The following PRKG1 variants were observed in gnomAD, a reference collection of about 807,000 sequenced individuals.
PRKG1 encodes cGMP-dependent protein kinase 1.
Under a neutral mutation model 88.1 loss-of-function variants are expected in PRKG1, and 35 were observed. The observed-to-expected ratio is 0.40, with a 90% confidence interval of 0.30 to 0.53. PRKG1 has a LOEUF of 0.53. PRKG1 is among the 20% of genes least tolerant of loss of function. PRKG1 has a pLI of 0.59. For missense variants in PRKG1, 540 were observed against 839.8 expected (o/e 0.64, Z 4.41); for synonymous variants, 303 against 292.5 (o/e 1.04, Z -0.37).
chr10:51,697,077 G>A (rs1841313934), intron 3 of PRKG1: 1 of 152,108 alleles, frequency 6.6e-6, no homozygotes. Flanking sequence ...AGTAAATCAG[G>A]TGCACTCCTT....
chr10:51,882,627 T>C (rs536207340), intron 4 of PRKG1, among the ~76,000 whole-genome samples: 1 of 152,188 alleles, frequency 6.6e-6, no homozygotes, highest in African/African-American at 2.4e-5. Context: ...CGCCCCTCTA[T>C]CCCTAGGATG....
In PRKG1 at chr10:51,629,486, G is replaced by T. The variant is rs181180419; in HGVS notation, c.592+161650G>T. On this transcript the variant is annotated intron_variant, in intron 3 of 17. Coordinates refer to ENST00000373980, the MANE Select transcript of PRKG1 (RefSeq NM_006258.4). ...GTGATGGGAGACAGCGACACCCAAA[G>T]TGTGTTGCTTATGTCCAGTCTACAC... Among the ~76,000 whole-genome samples, 13 of 151,712 alleles carry T rather than the reference G, an allele frequency of 8.6e-5. No individual in the cohort carries two copies. The East Asian group carries it at 2.5e-3, about 29-fold the overall frequency.
At chr10:51,330,813 G>T (rs1400262161) in intron 2 of PRKG1, among the ~76,000 whole-genome samples, 1 of 152,124 alleles carries the variant, frequency 6.6e-6, no homozygotes, top group Non-Finnish European at 1.5e-5. Flanking sequence ...AAGCAATTAT[G>T]TTTGTTTAGT....
chr10:51,806,200 C>T (rs928729053), intron 4 of PRKG1, among the ~76,000 whole-genome samples: 2 of 152,146 alleles, frequency 1.3e-5, no homozygotes, highest in African/African-American at 2.4e-5. Flanking sequence ...AAATGGTAAC[C>T]TATGGAATGC....
intron 2 of PRKG1, among the ~76,000 whole-genome samples, chr10:51,466,029 A>C (rs934786162): frequency 7.9e-5 from 12 of 152,164 alleles, no homozygotes; most frequent in Non-Finnish European, 1.3e-4. Context: ...CCAAGGTCAT[A>C]AGGCCAGTAA....
chr10:51,699,421 G>A (rs1841402059), intron 3 of PRKG1: 1 of 1,613,812 alleles, frequency 6.2e-7, no homozygotes, highest in South Asian at 1.1e-5. Flanking sequence ...GCCGGAAACT[G>A]ACAACAGAAC....
intron 4 of PRKG1, among the ~76,000 whole-genome samples, chr10:51,830,548 GTTTTTTTTTTTGT>G (rs1406576240): frequency 4.3e-5 from 5 of 116,222 alleles, no homozygotes; most frequent in Admixed American, 2.7e-4. Context: ...CTCTTAAAGT[GTTTTTTTTTTTGT>G]TTTTTTTTTT....
chr10:51,514,198 A>G (rs1841507582), intron 3 of PRKG1, among the ~76,000 whole-genome samples: 2 of 151,454 alleles, frequency 1.3e-5, no homozygotes, highest in South Asian at 2.1e-4. Flanking sequence ...ACAAACTACC[A>G]TCAGAGAATA....
intron 7 of PRKG1, among the ~76,000 whole-genome samples, chr10:52,124,072 A>T (rs891206446): frequency 2.0e-5 from 3 of 152,206 alleles, no homozygotes; most frequent in Non-Finnish European, 2.9e-5. Flanking sequence ...GGTGAGGAGC[A>T]TCTACAGCAT....
chr10:52,292,337 C>G (rs1361117564), intron 17 of PRKG1, among the ~76,000 whole-genome samples: 1 of 151,864 alleles, frequency 6.6e-6, no homozygotes, highest in Non-Finnish European at 1.5e-5. Flanking sequence ...AGTCCTTGCC[C>G]ATGCCTATGT....
intron 2 of PRKG1, among the ~76,000 whole-genome samples, chr10:51,222,767 C>T (rs185738625): frequency 1.1e-4 from 16 of 152,130 alleles, no homozygotes; most frequent in South Asian, 2.1e-4. Flanking sequence ...GAGGCCCTGA[C>T]GGTAGGAATT....
At chr10:52,035,542 G>C (rs9651333) in intron 5 of PRKG1, among the ~76,000 whole-genome samples, 8,952 of 152,168 alleles carry the variant, frequency 0.059, 683 homozygotes, top group East Asian at 0.44. Context: ...GGGTGAGGAA[G>C]AGGAAAGAAG....
chr10:51,472,247 A>T (rs1342816175), intron 3 of PRKG1, among the ~76,000 whole-genome samples: 1 of 151,860 alleles, frequency 6.6e-6, no homozygotes, highest in African/African-American at 2.4e-5. Flanking sequence ...TTTGTTTTTA[A>T]AATAAATTTG....
At chr10:51,267,972 G>A (rs926904507) in intron 2 of PRKG1, among the ~76,000 whole-genome samples, 14 of 152,100 alleles carry the variant, frequency 9.2e-5, no homozygotes, top group Admixed American at 2.0e-4. Context: ...ATTTCACATA[G>A]GTTCTTTTCT....
At chr10:51,985,800 A>G (rs1318116110) in intron 5 of PRKG1, among the ~76,000 whole-genome samples, 1 of 152,096 alleles carries the variant, frequency 6.6e-6, no homozygotes, top group Non-Finnish European at 1.5e-5. Context: ...TGTCTTAGTC[A>G]GTTTGGGCTG....
chr10:51,556,790 C>G (rs1441775419), intron 3 of PRKG1, among the ~76,000 whole-genome samples: 3 of 151,928 alleles, frequency 2.0e-5, no homozygotes, highest in African/African-American at 7.2e-5. Flanking sequence ...ACTACCTGGG[C>G]AACAGGATCA....
At chr10:51,739,455 C>T (rs1208253615) in intron 3 of PRKG1, among the ~76,000 whole-genome samples, 1 of 152,074 alleles carries the variant, frequency 6.6e-6, no homozygotes, top group African/African-American at 2.4e-5. Context: ...TTATTATAAC[C>T]TCTTTGAATT....
chr10:51,595,971 C>T (rs1838436909), intron 3 of PRKG1, among the ~76,000 whole-genome samples: 1 of 152,034 alleles, frequency 6.6e-6, no homozygotes, highest in African/African-American at 2.4e-5. Flanking sequence ...GCTGGGCTTA[C>T]AGGCGCCTGC....
intron 9 of PRKG1, among the ~76,000 whole-genome samples, chr10:52,209,180 G>A (rs1014796443): frequency 1.3e-5 from 2 of 152,126 alleles, no homozygotes; most frequent in African/African-American, 4.8e-5. Flanking sequence ...GCTTTGTAGT[G>A]AATATTTTCA....
Sources: gnomAD v4.1 joint callset for allele counts (sites outside exome capture counted in the v4.1 genomes callset) on GRCh38, gnomAD v4.1.1 for gene constraint, MANE v1.5 for transcripts, NCBI Gene and HGNC (gene_info 2026-07-23, HGNC 2026-07-21) for gene names.